Variants in TUT1 observed in about 807,000 individuals in gnomAD.
TUT1 encodes speckle targeted PIP5K1A-regulated poly(A) polymerase.
Under a neutral mutation model 48.8 loss-of-function variants are expected in TUT1, and 26 were observed. That is an observed-to-expected ratio of 0.53 (90% CI 0.39 to 0.74). The LOEUF (loss-of-function observed/expected upper bound fraction) is 0.74, where lower values mean the gene tolerates loss of function less well. Among genes scored for constraint, TUT1 ranks in the 30% least tolerant of loss-of-function variants. The pLI, the probability that TUT1 is intolerant of heterozygous loss-of-function variation, is 0.00. For synonymous variants in TUT1, 470 were observed against 460.8 expected (o/e 1.02, Z -0.26); for missense variants, 1,065 against 1,114.8 (o/e 0.96, Z 0.64).
At chr11:62,590,874 T>C (rs954976397) in intron 1 of TUT1, among the ~76,000 whole-genome samples, 4 of 151,808 alleles carry the variant, frequency 2.6e-5, no homozygotes, top group Admixed American at 2.0e-4. Context: ...TACAAGAACC[T>C]TGTCTATTTT....
At position 62,577,020 on chromosome 11, in the gene TUT1, G is replaced by GGGTAAATAA. The variant is rs1220408596; in HGVS notation, c.1271-12_1271-4dup. On this transcript the variant is annotated splice_region_variant and splice_polypyrimidine_tract_variant and intron_variant, in intron 6 of 8. Transcript: ENST00000476907. ...GTTACTGAGAAGGGGGCCACTCCCT[G>GGGTAAATAA]GGTAAATAAGCAATAATTCCGGTTA... The GGGTAAATAA allele has an allele frequency of 1.2e-6, 2 of 1,613,306 alleles. No individual in the cohort carries two copies. The highest frequency in any genetic ancestry group is 1.7e-6 in the Non-Finnish European group (2 of 1,179,388).
rs1378367748 is a variant in TUT1, at chr11:62,575,305, G to A, written c.2414C>T (p.Ala805Val). 2 of 1,614,108 alleles carry A rather than the reference G, an allele frequency of 1.2e-6. No homozygotes were observed. The highest frequency in any genetic ancestry group is 1.7e-6 in the Non-Finnish European group (2 of 1,180,008). Residue 805 changes from alanine to valine, a missense_variant, in exon 9 of 9, where the codon GCG (alanine) becomes GTG (valine). Physicochemically the swap from Ala to Val is moderately conservative, Grantham distance 64. Transcript: ENST00000476907. ...CTCCTGGGTGACCTGAGCCTCAGTC[G>A]CCAGCCACCCTGCTCTTGTGCCAGC... ...GGAGTRAGWL[A>V]TEAQVTQELK...
chr11:62,585,110 C>T (rs938084799), intron 2 of TUT1, among the ~76,000 whole-genome samples: 2 of 152,198 alleles, frequency 1.3e-5, no homozygotes, highest in Non-Finnish European at 2.9e-5. Flanking sequence ...GTGTGAGCCA[C>T]CTGGCCCGGC....
Position 62,576,406 on chromosome 11 carries a change from A to T in TUT1, c.1475-162T>A, listed in dbSNP as rs566331979. 8 of 935,932 alleles carry T rather than the reference A, an allele frequency of 8.5e-6. No individual in the cohort carries two copies. In the East Asian group the frequency reaches 1.9e-4, roughly 22 times the overall value. 58.0% of individuals were successfully genotyped at this position (935,932 alleles called of 1,614,324 possible). ...CTCTGATCCCTATAAACAAGAGGTC[A>T]AACCTCTCTCCCTGCCCCCACATGA... On this transcript the variant is annotated intron_variant, in intron 8 of 8. Transcript: ENST00000476907.
At position 62,577,076 on chromosome 11, in the gene TUT1, C is replaced by T; in HGVS notation, c.1271-59G>A. The stretch of plus-strand genomic sequence containing the variant: ...GAGGTGCTTCTAATCCCCTCACTGG[C>T]AGTTTTCTCAACCCCGGTGCCCATT... On this transcript the variant is annotated intron_variant, in intron 6 of 8. Transcript: ENST00000476907. The T allele has an allele frequency of 1.9e-6, 3 of 1,591,150 alleles. No homozygotes were observed. The Admixed American group carries it at 5.0e-5, about 27-fold the overall frequency.
chr11:62,591,518 A>G lies in TUT1; in HGVS notation c.-33T>C. On this transcript the variant is annotated 5_prime_UTR_variant, in exon 1 of 9. Coordinates refer to ENST00000476907, the MANE Select transcript of TUT1 (RefSeq NM_022830.3). ...CTCCTGTACCGACAAAAACACAAGC[A>G]CCTCTGCCACCACCGGAACCCACTT... 6.2e-7 allele frequency: 1 copy of G among 1,612,882 alleles called. No homozygotes were observed.
At chr11:62,578,318 A>C (rs1565266116) in intron 5 of TUT1, among the ~76,000 whole-genome samples, 1 of 152,048 alleles carries the variant, frequency 6.6e-6, no homozygotes, top group Non-Finnish European at 1.5e-5. Flanking sequence ...AGGCCGAGGC[A>C]GGTGATCACC....
chr11:62,578,133 A>T (rs1382709560), intron 5 of TUT1, among the ~76,000 whole-genome samples: 2 of 151,954 alleles, frequency 1.3e-5, no homozygotes, highest in African/African-American at 4.8e-5. Context: ...AATGGAAGCC[A>T]GGCAGGAGGA....
At position 62,591,456 on chromosome 11, in the gene TUT1, C is replaced by T. The variant is rs768097017; in HGVS notation, c.30G>A (p.Ser10=). Residue 10 remains serine (S), a synonymous_variant, in exon 1 of 9, where the codon TCG becomes TCA. Coordinates refer to ENST00000476907, the MANE Select transcript of TUT1 (RefSeq NM_022830.3). MAAVDSDVE[S]LPRGGFRCCL... is the part of the protein sequence containing the mutation. ...AGCAGCGGAACCCCCCACGCGGCAG[C>T]GATTCGACATCCGAATCCACCGCCG... The T allele has an allele frequency of 6.2e-7, 1 of 1,611,180 alleles. No homozygotes were observed. The highest frequency in any genetic ancestry group is 1.1e-5 in the South Asian group (1 of 90,350).
At chr11:62,579,581 G>A (rs1803834327) in intron 4 of TUT1, among the ~76,000 whole-genome samples, 1 of 151,786 alleles carries the variant, frequency 6.6e-6, no homozygotes. Context: ...TAAAACTCCT[G>A]TTGCGGGGGC....
rs1445860069 is a variant in TUT1 at position 62,575,236 on chromosome 11, G to T, written c.2483C>A (p.Pro828His). The change falls in exon 9 of 9, where the codon CCC becomes CAC. Residue 828 changes from proline (P) to histidine (H), a missense_variant. Transcript: ENST00000476907. ...GACAGACGCCACAAAGCTCAGCAGG[G>T]GCTCAGTTTCTGGCCTCTCTTCGCC... ...SGGEERPETEPLLSFVASVSP... is the reference protein window; with the variant it reads ...SGGEERPETEHLLSFVASVSP... 6.2e-7 allele frequency: 1 copy of T among 1,613,976 alleles called. No individual in the cohort carries two copies. The highest frequency in any genetic ancestry group is 1.3e-5 in the African/African-American group (1 of 74,906).
intron 4 of TUT1, among the ~76,000 whole-genome samples, 160 bp from the exon 5 acceptor site, chr11:62,579,190 C>A (rs1213273322): frequency 6.6e-6 from 1 of 151,778 alleles, no homozygotes; most frequent in Non-Finnish European, 1.5e-5. Flanking sequence ...TTAAAGATAA[C>A]CTTTTAATTC....
Position 62,581,405 on chromosome 11 carries a change from G to C in TUT1, c.570C>G (p.Val190=), listed in dbSNP as rs781076235. 2 of 1,606,038 alleles carry C rather than the reference G, an allele frequency of 1.2e-6. No individual in the cohort carries two copies. Among genetic ancestry groups the C allele is most frequent in the Non-Finnish European group, 1.7e-6 (2 of 1,176,732 alleles). ...ACTTACCAGGGAAGAACTCTGTGAA[G>C]ACCTCCTGCATCAGGGCCACCACTA... is the stretch of plus-strand genomic sequence containing the variant. ...RSLVVALMQE[V]FTEFFPGCVV... is the part of the protein sequence containing the mutation. The change falls in exon 3 of 9, where the codon GTC becomes GTG. Residue 190 remains valine (V), a synonymous_variant. Coordinates refer to ENST00000476907, the MANE Select transcript of TUT1 (RefSeq NM_022830.3).
chr11:62,575,313 C>T lies in TUT1; in HGVS notation c.2406G>A (p.Gly802=), dbSNP rs1370200793. The T allele has an allele frequency of 2.5e-6, 4 of 1,614,108 alleles. No individual in the cohort carries two copies. In the Admixed American group the frequency reaches 6.7e-5, roughly 27 times the overall value. The change falls in exon 9 of 9, where the codon GGG becomes GGA. Residue 802 remains glycine, a synonymous_variant. Transcript: ENST00000476907. ...GAGGGAGTRA[G]WLATEAQVTQ... ...TGACCTGAGCCTCAGTCGCCAGCCA[C>T]CCTGCTCTTGTGCCAGCGCCACCTC...
chr11:62,587,338 C>T (rs1208676120), intron 2 of TUT1, among the ~76,000 whole-genome samples: 6 of 152,070 alleles, frequency 3.9e-5, no homozygotes, highest in Non-Finnish European at 5.9e-5. Context: ...TGTGCCACCA[C>T]GCCCCGCTAA....
chr11:62,580,746 G>A (rs571488201), intron 4 of TUT1, among the ~76,000 whole-genome samples: 21 of 151,424 alleles, frequency 1.4e-4, no homozygotes, highest in Admixed American at 1.3e-3. Context: ...GGGACTACAG[G>A]TGTACACCAC....
chr11:62,591,243 G>A (rs1250379769), intron 1 of TUT1, 161 bp downstream of exon 1: 11 of 937,634 alleles, frequency 1.2e-5, no homozygotes, highest in African/African-American at 3.6e-5. Flanking sequence ...GAACTTTCCC[G>A]ACTCTCCAAA....
rs1245674158 is a variant in TUT1, at chr11:62,575,237, G to A, written c.2482C>T (p.Pro828Ser). The change falls in exon 9 of 9, where the codon CCC (proline) becomes TCC (serine). Residue 828 changes from proline (P) to serine (S), a missense_variant. By Grantham distance (74) the Pro-to-Ser change is moderately conservative. Transcript: ENST00000476907. ...ACAGACGCCACAAAGCTCAGCAGGG[G>A]CTCAGTTTCTGGCCTCTCTTCGCCA... ...SGGEERPETE[P>S]LLSFVASVSP... 6.2e-7 allele frequency: 1 copy of A among 1,614,102 alleles called. No individual in the cohort carries two copies.
intron 1 of TUT1, among the ~76,000 whole-genome samples, chr11:62,590,542 C>T (rs553579146): frequency 4.6e-5 from 7 of 151,316 alleles, no homozygotes; most frequent in Middle Eastern, 3.4e-3. Context: ...GAGGCTGAGG[C>T]AGGAGAATGG....
Sources: gnomAD v4.1 joint callset for allele counts (sites outside exome capture counted in the v4.1 genomes callset) on GRCh38, gnomAD v4.1.1 for gene constraint, MANE v1.5 for transcripts, NCBI Gene and HGNC (gene_info 2026-07-23, HGNC 2026-07-21) for gene names.